The following PRKD1 variants were observed in gnomAD, a reference collection of about 807,000 sequenced individuals.
PRKD1 encodes the protein protein kinase D1, also known as serine/threonine-protein kinase D1.
A neutral mutation model predicts 95.9 loss-of-function variants in PRKD1; 63 were observed. The ratio of observed to expected loss-of-function variants is 0.66; its 90% CI spans 0.54 to 0.81. The LOEUF (loss-of-function observed/expected upper bound fraction) is 0.81, where lower values mean the gene tolerates loss of function less well. Among genes scored for constraint, PRKD1 ranks in the 30% least tolerant of loss-of-function variants. The pLI is 0.00. For missense variants in PRKD1, 1,048 were observed against 1,165.3 expected, an observed-to-expected ratio of 0.90 and a Z score of 1.47; for synonymous variants, 425 against 423.1, an observed-to-expected ratio of 1.00 and a Z score of -0.05.
At chr14:29,706,315 T>C (rs1412972509) in intron 2 of PRKD1, among the ~76,000 whole-genome samples, 2 of 152,172 alleles carry the variant, frequency 1.3e-5, no homozygotes, top group Non-Finnish European at 2.9e-5. Flanking sequence ...TTTAAGTCTT[T>C]GAATTTCAAT....
In PRKD1 at chr14:29,894,822, A is replaced by T. The variant is rs145352726; in HGVS notation, c.264+32427T>A. Among the ~76,000 whole-genome samples the T allele has an allele frequency of 2.6e-5, 4 of 152,362 alleles. No individual in the cohort carries two copies. The East Asian group carries it at 7.7e-4, about 29-fold the overall frequency. On this transcript the variant is annotated intron_variant, in intron 1 of 17. Coordinates refer to ENST00000331968, the MANE Select transcript of PRKD1 (RefSeq NM_002742.3). Reference sequence around the variant, plus strand: ...CCCCTGGACTGTGTGCTATGTGATCAGAAGAAGCACAGAAGCAAGCTTTAT... The same window carrying T: ...CCCCTGGACTGTGTGCTATGTGATCTGAAGAAGCACAGAAGCAAGCTTTAT...
intron 2 of PRKD1, among the ~76,000 whole-genome samples, chr14:29,690,496 A>G (rs75924465): frequency 3.3e-5 from 5 of 152,128 alleles, no homozygotes; most frequent in African/African-American, 9.7e-5. Context: ...CTACTTTTCA[A>G]ATCGGCTTAC....
chr14:29,597,395 T>C lies in PRKD1; in HGVS notation c.2434+96A>G, dbSNP rs1187930312. ...TCTGGTGGGCACTTTACAATGAGCA[T>C]GTATTAAGTTAATAATTTACAATTA... On this transcript the variant is annotated intron_variant, in intron 16 of 17. Transcript: ENST00000331968. 4 of 1,253,098 alleles carry C rather than the reference T, an allele frequency of 3.2e-6. No homozygotes were observed. In the African/African-American group the frequency reaches 6.0e-5, roughly 19 times the overall value. 77.6% of individuals were successfully genotyped at this position (1,253,098 alleles called of 1,614,324 possible). A position where few individuals can be genotyped will look rare whatever the true frequency, so the allele number is the denominator to read the frequency against.
chr14:29,725,763 T>C, intron 1 of PRKD1, 89 bp from the exon 2 acceptor site: 1 of 1,369,186 alleles, frequency 7.3e-7, no homozygotes, highest in Non-Finnish European at 1.0e-6. Flanking sequence ...TACAAGCTAA[T>C]TAGAAAAGTT....
intron 1 of PRKD1, among the ~76,000 whole-genome samples, chr14:29,770,865 C>T (rs1423195730): frequency 7.6e-6 from 1 of 131,966 alleles, no homozygotes; most frequent in Non-Finnish European, 1.5e-5. Flanking sequence ...GGGAAGATCA[C>T]TTGAGCCCAG....
At chr14:29,733,705 A>G (rs1886570795) in intron 1 of PRKD1, among the ~76,000 whole-genome samples, 2 of 152,092 alleles carry the variant, frequency 1.3e-5, no homozygotes, top group African/African-American at 2.4e-5. Context: ...AGCATGGGAG[A>G]AACTGCCTCC....
chr14:29,751,057 C>T (rs1261654429), intron 1 of PRKD1: 2 of 152,130 alleles, frequency 1.3e-5, no homozygotes, highest in East Asian at 3.9e-4. Context: ...GAACTTTGTT[C>T]TCTATGGTCA....
chr14:29,777,536 A>G (rs549207532), intron 1 of PRKD1, among the ~76,000 whole-genome samples: 27 of 152,330 alleles, frequency 1.8e-4, no homozygotes, highest in African/African-American at 6.0e-4. Flanking sequence ...AAAGATCAAA[A>G]GAGACAAAGA....
chr14:29,606,026 T>C (rs1893692195), intron 13 of PRKD1, among the ~76,000 whole-genome samples: 1 of 152,180 alleles, frequency 6.6e-6, no homozygotes, highest in Non-Finnish European at 1.5e-5. Context: ...TTTTCCTTTT[T>C]TTTGGAGACA....
Position 29,899,177 on chromosome 14 carries a change from C to G in PRKD1, c.264+28072G>C, listed in dbSNP as rs189203707. Among the ~76,000 whole-genome samples the G allele has an allele frequency of 4.6e-5, 7 of 152,228 alleles. No homozygotes were observed. In the East Asian group the frequency reaches 9.7e-4, roughly 21 times the overall value. ...ACATCAAATAAATACAGTATTTTAA[C>G]TACATCACATTTAGTTACATTTATA... is the stretch of plus-strand genomic sequence containing the variant. On this transcript the variant is annotated intron_variant, in intron 1 of 17. Transcript: ENST00000331968.
At chr14:29,851,512 C>A (rs1316387197) in intron 1 of PRKD1, among the ~76,000 whole-genome samples, 2 of 152,104 alleles carry the variant, frequency 1.3e-5, no homozygotes, top group Middle Eastern at 3.4e-3. Context: ...AAATTCAAAT[C>A]AAAAACCACA....
rs536526294 is a variant in PRKD1 at position 29,792,663 on chromosome 14, A to G, written c.265-66989T>C. ...GACAGCGGCAGTCAGGAAAATTTCT[A>G]AAATGTCTTAAGTGCCAAGACATGG... is the stretch of plus-strand genomic sequence containing the variant. On this transcript the variant is annotated intron_variant, in intron 1 of 17. Coordinates refer to ENST00000331968, the MANE Select transcript of PRKD1 (RefSeq NM_002742.3). Among the ~76,000 whole-genome samples, 8 of 152,194 alleles carry G rather than the reference A, an allele frequency of 5.3e-5. No individual in the cohort carries two copies. In the East Asian group the frequency reaches 1.2e-3, roughly 22 times the overall value.
intron 1 of PRKD1, among the ~76,000 whole-genome samples, chr14:29,841,403 T>C (rs1891837749): frequency 6.6e-6 from 1 of 152,220 alleles, no homozygotes; most frequent in Admixed American, 6.5e-5. Flanking sequence ...TCCTGAGTTC[T>C]AACTCCCACA....
chr14:29,825,602 T>C (rs1348157768), intron 1 of PRKD1, among the ~76,000 whole-genome samples: 2 of 152,040 alleles, frequency 1.3e-5, no homozygotes, highest in African/African-American at 4.8e-5. Context: ...GATCATTATT[T>C]AAAAAAATGT....
At chr14:29,596,370 C>A (rs1046114890) in intron 16 of PRKD1, among the ~76,000 whole-genome samples, 3 of 152,158 alleles carry the variant, frequency 2.0e-5, no homozygotes, top group Non-Finnish European at 2.9e-5. Context: ...AGACGTAGGG[C>A]TAGTACTGAA....
chr14:29,861,250 A>G (rs1177566607), intron 1 of PRKD1, among the ~76,000 whole-genome samples: 1 of 152,184 alleles, frequency 6.6e-6, no homozygotes, highest in East Asian at 1.9e-4. Flanking sequence ...GATTGGTGCC[A>G]CTTCTCACAA....
chr14:29,714,883 T>C (rs940920878), intron 2 of PRKD1, among the ~76,000 whole-genome samples: 4 of 152,192 alleles, frequency 2.6e-5, no homozygotes, highest in Middle Eastern at 3.4e-3. Flanking sequence ...CCGCATGTTC[T>C]CACTCATAAG....
At chr14:29,720,872 C>T (rs551955437) in intron 2 of PRKD1, among the ~76,000 whole-genome samples, 57 of 152,160 alleles carry the variant, frequency 3.7e-4, no homozygotes, top group Middle Eastern at 3.4e-3. Context: ...ATGATACTAC[C>T]TTCCTGAGAA....
At chr14:29,751,361 TG>T (rs768243841) in intron 1 of PRKD1, among the ~76,000 whole-genome samples, 7 of 152,172 alleles carry the variant, frequency 4.6e-5, no homozygotes, top group Non-Finnish European at 8.8e-5. Flanking sequence ...AGCTGGCTTC[TG>T]GGGAATCTTT....
Sources: allele counts gnomAD v4.1 joint callset (sites outside exome capture counted in the v4.1 genomes callset), GRCh38; gene constraint gnomAD v4.1.1; transcripts MANE v1.5; gene names NCBI Gene and HGNC (gene_info 2026-07-23, HGNC 2026-07-21).